Variants in PLS3 observed in about 807,000 individuals in gnomAD.
PLS3 encodes plastin 3.
PLS3 carries 11 observed loss-of-function variants against 46.5 expected under a neutral mutation model. The ratio of observed to expected loss-of-function variants is 0.24; its 90% CI spans 0.15 to 0.39. The LOEUF is 0.39. Ranked by LOEUF, PLS3 falls within the 10% of genes least tolerant of loss-of-function variation. The pLI, the probability that PLS3 is intolerant of heterozygous loss-of-function variation, is 1.00. For synonymous variants in PLS3, 167 were observed against 162.2 expected (o/e 1.03, Z -0.22); for missense variants, 308 against 461.8 (o/e 0.67, Z 3.05).
intron 1 of PLS3, among the ~76,000 whole-genome samples, chrX:115,589,397 C>T: frequency 8.9e-6 from 1 of 111,886 alleles, no homozygotes; most frequent in East Asian, 2.8e-4. Context: ...TAATGCTGTG[C>T]CTGGTATGAA....
intron 1 of PLS3, among the ~76,000 whole-genome samples, chrX:115,588,327 GTTC>G (rs1556632687): frequency 8.9e-6 from 1 of 111,840 alleles, no homozygotes; most frequent in African/African-American, 3.2e-5. Context: ...GAGGCCAGAT[GTTC>G]TTCATGCACT....
Position 115,647,537 on chromosome X carries a change from C to T in PLS3, c.1512-13C>T. The T allele has an allele frequency of 1.7e-6, 2 of 1,197,729 alleles. No individual in the cohort carries two copies. The highest frequency in any genetic ancestry group is 2.3e-6 in the Non-Finnish European group (2 of 886,419). On this transcript the variant is annotated splice_polypyrimidine_tract_variant and intron_variant, in intron 13 of 15. Coordinates refer to ENST00000355899, the MANE Select transcript of PLS3 (RefSeq NM_005032.7). ...AAGTAGATGGTGACGTTTTCTTCTG[C>T]TGCCTCTCTTAGATATACCCTCAAT...
intron 1 of PLS3, among the ~76,000 whole-genome samples, chrX:115,574,025 G>A (rs2074233478): frequency 9.0e-6 from 1 of 111,192 alleles, no homozygotes; most frequent in African/African-American, 3.3e-5. Context: ...AATTCAAATT[G>A]AGCAGGAATA....
intron 3 of PLS3, among the ~76,000 whole-genome samples, chrX:115,625,177 A>G (rs148595822): frequency 0.018 from 2,062 of 111,831 alleles, 21 homozygotes; most frequent in Non-Finnish European, 0.026. Flanking sequence ...AGATATTGGC[A>G]TAAGGAAATA....
chrX:115,633,241 G>A (rs1390329546), intron 5 of PLS3, among the ~76,000 whole-genome samples: 1 of 108,312 alleles, frequency 9.2e-6, no homozygotes, highest in Admixed American at 9.9e-5. Flanking sequence ...CATGATCTCC[G>A]CTCACTTCAA....
intron 1 of PLS3, among the ~76,000 whole-genome samples, chrX:115,594,307 C>T (rs1314257140): frequency 9.0e-6 from 1 of 111,023 alleles, no homozygotes; most frequent in Non-Finnish European, 1.9e-5. Flanking sequence ...ATATTTCTGG[C>T]AAAGGGAAGT....
At chrX:115,611,804 C>T in intron 2 of PLS3, among the ~76,000 whole-genome samples, 1 of 111,661 alleles carries the variant, frequency 9.0e-6, no homozygotes, top group Non-Finnish European at 1.9e-5. Context: ...CCCTTAAAAG[C>T]TTAATGACAT....
intron 2 of PLS3, among the ~76,000 whole-genome samples, chrX:115,617,326 A>T (rs1468588971): frequency 1.8e-5 from 2 of 111,760 alleles, no homozygotes; most frequent in African/African-American, 6.5e-5. Context: ...TACAGATCTG[A>T]AGGCTGCTGG....
At chrX:115,599,139 A>G (rs2074415971) in intron 1 of PLS3, among the ~76,000 whole-genome samples, 1 of 109,905 alleles carries the variant, frequency 9.1e-6, no homozygotes, top group Non-Finnish European at 1.9e-5. Flanking sequence ...CAAAGGCTAT[A>G]TATACTAGGC....
intron 10 of PLS3, among the ~76,000 whole-genome samples, chrX:115,644,610 A>ATAAG (rs1444115873): frequency 2.8e-5 from 3 of 108,645 alleles, no homozygotes; most frequent in Non-Finnish European, 5.7e-5. Context: ...AAATAAATAA[A>ATAAG]TAAATAAATA....
At chrX:115,570,998 G>A (rs1167371755) in intron 1 of PLS3, among the ~76,000 whole-genome samples, 3 of 105,381 alleles carry the variant, frequency 2.8e-5, no homozygotes, top group South Asian at 4.4e-4. Flanking sequence ...GGGTTCATGC[G>A]ATTCTCCTGC....
chrX:115,613,529 C>T (rs1483580929), intron 2 of PLS3, among the ~76,000 whole-genome samples: 1 of 111,154 alleles, frequency 9.0e-6, no homozygotes, highest in Non-Finnish European at 1.9e-5. Flanking sequence ...TATAGCCCGT[C>T]TAAAAAAAAT....
At chrX:115,626,441 C>T (rs1209335624) in intron 3 of PLS3, among the ~76,000 whole-genome samples, 4 of 109,627 alleles carry the variant, frequency 3.6e-5, no homozygotes, top group African/African-American at 1.3e-4. Flanking sequence ...TGCGCCACCA[C>T]GACCGGCTAA....
rs782366971 is a variant in PLS3 at position 115,618,859 on chromosome X, C to T, written c.74-3387C>T. Among the ~76,000 whole-genome samples, 4 of 111,756 alleles carry T rather than the reference C, an allele frequency of 3.6e-5. No homozygotes were observed. The South Asian group carries it at 1.5e-3, about 43-fold the overall frequency. The stretch of plus-strand genomic sequence containing the variant: ...TGAGCCAAGATCATGCCACTGCACT[C>T]CAGCCTGGGTGACAGAGTGAGACTT... On this transcript the variant is annotated intron_variant, in intron 2 of 15. Transcript: ENST00000355899.
At chrX:115,596,321 C>T (rs1556633846) in intron 1 of PLS3, among the ~76,000 whole-genome samples, 1 of 111,995 alleles carries the variant, frequency 8.9e-6, no homozygotes, top group African/African-American at 3.3e-5. Context: ...TACTCACCTC[C>T]ATCGAAGTTT....
intron 1 of PLS3, among the ~76,000 whole-genome samples, chrX:115,602,665 T>C (rs150739150): frequency 0.023 from 2,566 of 111,574 alleles, 36 homozygotes; most frequent in Non-Finnish European, 0.036. Context: ...TATTTTCATT[T>C]ATAGTGAAAT....
chrX:115,595,823 G>T (rs1235628978), intron 1 of PLS3, among the ~76,000 whole-genome samples: 1 of 107,916 alleles, frequency 9.3e-6, no homozygotes, highest in Non-Finnish European at 1.9e-5. Flanking sequence ...CGAGTAGCTG[G>T]GATTACAGGC....
At chrX:115,570,239 T>G (rs2074204504) in intron 1 of PLS3, among the ~76,000 whole-genome samples, 1 of 111,116 alleles carries the variant, frequency 9.0e-6, no homozygotes, top group South Asian at 3.9e-4. Context: ...CTGGGCCAGC[T>G]CTCCCATTTT....
chrX:115,626,572 C>A (rs2074713301), intron 3 of PLS3, among the ~76,000 whole-genome samples: 1 of 111,145 alleles, frequency 9.0e-6, no homozygotes, highest in South Asian at 3.7e-4. Context: ...GTGTGAGCCA[C>A]CATACCTGGC....
Sources: gnomAD v4.1 joint callset for allele counts (sites outside exome capture counted in the v4.1 genomes callset) on GRCh38, gnomAD v4.1.1 for gene constraint, MANE v1.5 for transcripts, NCBI Gene and HGNC (gene_info 2026-07-23, HGNC 2026-07-21) for gene names.